Variants in KMT2C observed in about 807,000 individuals in gnomAD.
KMT2C encodes lysine methyltransferase 2C.
Under a neutral mutation model 507.9 loss-of-function variants are expected in KMT2C, and 88 were observed. The observed-to-expected ratio is 0.17, with a 90% CI of 0.15 to 0.21. The LOEUF is 0.21. KMT2C is among the 10% of genes least tolerant of loss of function. The pLI, the probability that KMT2C is intolerant of heterozygous loss-of-function variation, is 1.00. For synonymous variants in KMT2C, 2,049 were observed against 2,080.8 expected (o/e 0.98, Z 0.42); for missense variants, 4,954 against 5,957.8 (o/e 0.83, Z 5.55).
intron 25 of KMT2C, among the ~76,000 whole-genome samples, 171 bp from the exon 26 acceptor site, chr7:152,203,235 T>C (rs1417270876): frequency 6.6e-6 from 1 of 152,154 alleles, no homozygotes; most frequent in Non-Finnish European, 1.5e-5. Flanking sequence ...CATAAAATTT[T>C]GATTTCATGT....
In KMT2C at chr7:152,435,696, C is replaced by G. The variant is rs1203336192; in HGVS notation, c.91G>C (p.Ala31Pro). The part of the protein sequence containing the change: ...EPGAPAPSPA[A>P]ADKRPRGRPR... ...CGGCCCCGAGGTCTTTTGTCTGCGG[C>G]TGCGGGGCTCGGGGCCGGGGCTCCA... The change falls in exon 1 of 59, where the codon GCC (alanine) becomes CCC (proline). Residue 31 changes from alanine (A) to proline (P), a missense_variant. Physicochemically the swap from Ala to Pro is conservative, Grantham distance 27. This residue lies in a region of KMT2C where 51 missense variants were observed against 43.5 expected (regional missense o/e 1.17). Coordinates refer to ENST00000262189, the MANE Select transcript of KMT2C (RefSeq NM_170606.3). 6.5e-7 allele frequency: 1 copy of G among 1,543,836 alleles called. No homozygotes were observed. Among genetic ancestry groups the G allele is most frequent in the Non-Finnish European group, 8.7e-7 (1 of 1,144,264 alleles).
At chr7:152,330,398 G>GC (rs1367783031) in intron 3 of KMT2C, among the ~76,000 whole-genome samples, 1 of 152,032 alleles carries the variant, frequency 6.6e-6, no homozygotes, top group African/African-American at 2.4e-5. Flanking sequence ...GTAGTGTGCT[G>GC]CCCTGCTCTA....
At chr7:152,338,602 A>G (rs1214891536) in intron 2 of KMT2C, among the ~76,000 whole-genome samples, 44 of 152,232 alleles carry the variant, frequency 2.9e-4, no homozygotes, top group Non-Finnish European at 7.3e-5. Flanking sequence ...TAAAAAAAGA[A>G]TAACATCTAA....
Position 152,181,031 on chromosome 7 carries a change from T to C in KMT2C, c.6829A>G (p.Arg2277Gly), listed in dbSNP as rs1385368173. ...TCTGAAAGACCAGGTCCAGGGGGCC[T>C]AGGTGTCTGGGAACATGTATCAGGT... ...RPPDTCSQTP[R>G]PPGPGLSDTF... Residue 2277 changes from arginine to glycine, a missense_variant, in exon 36 of 59, where the codon AGG becomes GGG. Arg to Gly is a moderately radical substitution (Grantham distance 125). Transcript: ENST00000262189. 1.2e-6 allele frequency: 2 copies of C among 1,614,128 alleles called. No homozygotes were observed. The highest frequency in any genetic ancestry group is 1.7e-6 in the Non-Finnish European group (2 of 1,180,020).
chr7:152,421,415 G>T (rs555347761), intron 1 of KMT2C, among the ~76,000 whole-genome samples: 4 of 151,964 alleles, frequency 2.6e-5, no homozygotes, highest in Non-Finnish European at 5.9e-5. Context: ...AATAGAAATC[G>T]TTCTACCATA....
intron 1 of KMT2C, among the ~76,000 whole-genome samples, chr7:152,412,932 T>C (rs13226979): frequency 6.6e-6 from 1 of 151,986 alleles, no homozygotes; most frequent in African/African-American, 2.4e-5. Flanking sequence ...GATATAGGAA[T>C]CCCACTAAAA....
At chr7:152,218,730 A>G (rs1217459353) in intron 23 of KMT2C, among the ~76,000 whole-genome samples, 1 of 151,832 alleles carries the variant, frequency 6.6e-6, no homozygotes, top group East Asian at 1.9e-4. Flanking sequence ...TCTTGTCCTC[A>G]CATCTCTAAT....
At chr7:152,201,303 C>CAG (rs1554522642) in intron 26 of KMT2C, among the ~76,000 whole-genome samples, 19 of 145,280 alleles carry the variant, frequency 1.3e-4, no homozygotes, top group Non-Finnish European at 2.4e-4. Flanking sequence ...GACACACACA[C>CAG]ACACACACAC....
intron 2 of KMT2C, among the ~76,000 whole-genome samples, chr7:152,339,861 T>G (rs1297633590): frequency 6.6e-6 from 1 of 152,134 alleles, no homozygotes; most frequent in South Asian, 2.1e-4. Flanking sequence ...CAAAGATTTA[T>G]AAAAAGCACA....
chr7:152,142,606 A>G (rs1402613433), intron 55 of KMT2C, among the ~76,000 whole-genome samples: 2 of 152,268 alleles, frequency 1.3e-5, no homozygotes, highest in East Asian at 3.8e-4. Flanking sequence ...CATAGGAGTG[A>G]AACTATTAAT....
chr7:152,210,215 C>T (rs574248088), intron 23 of KMT2C, among the ~76,000 whole-genome samples: 4 of 152,298 alleles, frequency 2.6e-5, no homozygotes, highest in African/African-American at 4.8e-5. Flanking sequence ...GGAACCTGAG[C>T]AGTTCAAGAA....
In KMT2C at chr7:152,330,655, A is replaced by G; in HGVS notation, c.335T>C (p.Val112Ala). The change falls in exon 3 of 59, where the codon GTG becomes GCG. Residue 112 changes from valine (V) to alanine (A), a missense_variant. Transcript: ENST00000262189. ...CAGGGAGTTTGCCGATTCCTCAGAC[A>G]CAGATCGCTGAAGAGTTGGAATTAG... ...KQLIPTLQRS[V>A]SEESANSLVS... 6.2e-7 allele frequency: 1 copy of G among 1,614,168 alleles called. No individual in the cohort carries two copies. Among genetic ancestry groups the G allele is most frequent in the East Asian group, 2.2e-5 (1 of 44,884 alleles).
chr7:152,173,593 A>G (rs67698254), intron 39 of KMT2C, among the ~76,000 whole-genome samples: 7,300 of 152,254 alleles, frequency 0.048, 287 homozygotes, highest in East Asian at 0.17. Context: ...TATTGAAATA[A>G]CCCCTACTGT....
chr7:152,212,513 A>G (rs1359460179), intron 23 of KMT2C, among the ~76,000 whole-genome samples: 1 of 152,202 alleles, frequency 6.6e-6, no homozygotes, highest in Non-Finnish European at 1.5e-5. Context: ...GTATGTAGAA[A>G]CCCCCAAAAA....
chr7:152,322,554 T>C (rs1479693811), intron 3 of KMT2C, among the ~76,000 whole-genome samples: 5 of 151,864 alleles, frequency 3.3e-5, no homozygotes, highest in African/African-American at 9.7e-5. Flanking sequence ...ACACAAAAAA[T>C]CAATTCAAAA....
chr7:152,138,744 T>C lies in KMT2C; in HGVS notation c.14643+52A>G, dbSNP rs79696817. 2,787 of 1,111,786 alleles carry C rather than the reference T, an allele frequency of 2.5e-3. 63 individuals are homozygous for C. In the African/African-American group the frequency reaches 0.039, roughly 16 times the overall value. 68.9% of individuals were successfully genotyped at this position (1,111,786 alleles called of 1,614,324 possible). On this transcript the variant is annotated intron_variant, in intron 58 of 58. Transcript: ENST00000262189. This position sits in a 1 kb window ranked among gnomAD's most constrained non-coding sequence, Gnocchi z 4.2. Reference sequence around the variant, plus strand: ...TAAGTGACCTGTGTGAGGAGGGAACTATTCGCCCAGGATCTGAACAACATG... The same window carrying C: ...TAAGTGACCTGTGTGAGGAGGGAACCATTCGCCCAGGATCTGAACAACATG...
chr7:152,206,697 T>C (rs1302597152), intron 24 of KMT2C, among the ~76,000 whole-genome samples: 1 of 152,140 alleles, frequency 6.6e-6, no homozygotes, highest in Non-Finnish European at 1.5e-5. Flanking sequence ...AGCCTACAAC[T>C]TCTGTATTGT....
intron 58 of KMT2C, chr7:152,137,348 C>G (rs536258734): frequency 5.8e-6 from 1 of 172,782 alleles, no homozygotes; most frequent in South Asian, 1.4e-4. Context: ...TGTTTTCCCT[C>G]CTTCATTTTT....
intron 1 of KMT2C, among the ~76,000 whole-genome samples, chr7:152,360,929 T>A (rs372780365): frequency 6.8e-5 from 10 of 147,240 alleles, no homozygotes; most frequent in African/African-American, 2.7e-4. Context: ...AAAGTCGGTC[T>A]TAACCAAAAA....
Sources: allele counts gnomAD v4.1 joint callset (sites outside exome capture counted in the v4.1 genomes callset), GRCh38; gene constraint gnomAD v4.1.1; regional missense constraint gnomAD v4.1.1; non-coding constraint Gnocchi (gnomAD v3.1); transcripts MANE v1.5; gene names NCBI Gene and HGNC (gene_info 2026-07-23, HGNC 2026-07-21).